TRPM3: variants seen among roughly 807,000 people sequenced by gnomAD.
The protein encoded by TRPM3 is long transient receptor potential channel 3.
TRPM3 carries 77 observed loss-of-function variants against 181.2 expected under a neutral mutation model. The observed-to-expected ratio is 0.42, with a 90% confidence interval of 0.35 to 0.51. The LOEUF (loss-of-function observed/expected upper bound fraction) is 0.51. TRPM3 is among the 20% of genes least tolerant of loss of function. The probability of loss-of-function intolerance (pLI) is 0.01; values close to 1 mark genes in which losing one functional copy is unlikely to be tolerated. For synonymous variants in TRPM3, 745 were observed against 796.4 expected, an observed-to-expected ratio of 0.94 and a Z score of 1.09; for missense variants, 1,759 against 2,196.7, an observed-to-expected ratio of 0.80 and a Z score of 3.98.
chr9:71,114,415 T>G (rs2071827592), intron 1 of TRPM3, among the ~76,000 whole-genome samples: 1 of 152,214 alleles, frequency 6.6e-6, no homozygotes. Context: ...TTTTGCCACA[T>G]GCTCAAGAGC....
At chr9:70,646,035 T>C (rs2058789934) in intron 9 of TRPM3, among the ~76,000 whole-genome samples, 2 of 152,192 alleles carry the variant, frequency 1.3e-5, no homozygotes, top group Admixed American at 1.3e-4. Context: ...AGATAACAAC[T>C]CACGCCAGTT....
intron 1 of TRPM3, among the ~76,000 whole-genome samples, chr9:70,948,644 C>G (rs1259182866): frequency 6.6e-6 from 1 of 152,162 alleles, no homozygotes; most frequent in Non-Finnish European, 1.5e-5. Flanking sequence ...TTAAACATCT[C>G]TGTCATTAGG....
intron 9 of TRPM3, among the ~76,000 whole-genome samples, chr9:70,657,676 T>G (rs376683355): frequency 3.3e-5 from 5 of 152,208 alleles, no homozygotes; most frequent in East Asian, 3.8e-4. Context: ...TCTTTCTGTA[T>G]GTGCTTTTAA....
intron 1 of TRPM3, among the ~76,000 whole-genome samples, chr9:71,162,949 G>A (rs1056657476): frequency 1.2e-4 from 19 of 152,156 alleles, no homozygotes; most frequent in African/African-American, 4.6e-4. Context: ...TACAGAACAG[G>A]AGCAATGGCT....
chr9:71,256,669 C>T (rs2082693756), intron 1 of TRPM3, among the ~76,000 whole-genome samples: 1 of 152,052 alleles, frequency 6.6e-6, no homozygotes, highest in Non-Finnish European at 1.5e-5. Flanking sequence ...GAGCCATGAC[C>T]GTATGCCTGA....
intron 1 of TRPM3, among the ~76,000 whole-genome samples, chr9:70,866,398 T>G (rs2095650109): frequency 2.6e-5 from 4 of 152,012 alleles, no homozygotes; most frequent in Admixed American, 6.6e-5. Context: ...GAGCATGAGG[T>G]CTGCATTTAG....
intron 9 of TRPM3, among the ~76,000 whole-genome samples, chr9:70,663,479 T>G (rs2133957446): frequency 6.6e-6 from 1 of 152,330 alleles, no homozygotes; most frequent in East Asian, 1.9e-4. Context: ...ACTATAGTGG[T>G]TATAATAATT....
intron 1 of TRPM3, among the ~76,000 whole-genome samples, chr9:71,047,850 A>ACACT (rs1178990894): frequency 2.2e-5 from 3 of 139,514 alleles, no homozygotes; most frequent in Non-Finnish European, 4.7e-5. Flanking sequence ...ACACACACAC[A>ACACT]CACACACACT....
At chr9:71,135,149 G>C (rs1471045668) in intron 1 of TRPM3, among the ~76,000 whole-genome samples, 2 of 152,150 alleles carry the variant, frequency 1.3e-5, no homozygotes, top group Non-Finnish European at 2.9e-5. Context: ...TCTTAGGCAG[G>C]AATGCTCATA....
chr9:71,352,617 T>A (rs142381589), intron 1 of TRPM3, among the ~76,000 whole-genome samples: 3 of 152,336 alleles, frequency 2.0e-5, no homozygotes, highest in Non-Finnish European at 2.9e-5. Flanking sequence ...ACATTATTCA[T>A]CCTATAATGC....
intron 9 of TRPM3, among the ~76,000 whole-genome samples, chr9:70,656,718 G>A (rs1271164554): frequency 2.6e-5 from 4 of 152,186 alleles, no homozygotes; most frequent in African/African-American, 7.2e-5. Flanking sequence ...ATCTAAAGTT[G>A]TATTAAATTA....
chr9:70,605,486 C>CTAAG (rs1268914494), intron 19 of TRPM3, among the ~76,000 whole-genome samples: 3 of 151,914 alleles, frequency 2.0e-5, no homozygotes, highest in African/African-American at 7.3e-5. Context: ...CAACCTATGC[C>CTAAG]TAAGTTCCTA....
intron 1 of TRPM3, among the ~76,000 whole-genome samples, chr9:71,228,425 T>C (rs929148292): frequency 1.3e-5 from 2 of 152,150 alleles, no homozygotes; most frequent in African/African-American, 4.8e-5. Context: ...GTGACAAAGA[T>C]GTCCACTTTC....
In TRPM3 at chr9:71,049,398, A is replaced by G. The variant is rs572499760; in HGVS notation, c.177+71780T>C. 6.2e-4 allele frequency among the ~76,000 whole-genome samples: 95 copies of G among 152,278 alleles called. 1 individual carries two copies. In the South Asian group the frequency reaches 9.5e-3, roughly 15 times the overall value. On this transcript the variant is annotated intron_variant, in intron 1 of 25. Transcript: ENST00000677713. ...ATATACTCCAAATCCTAGAACATAT[A>G]TACTGAAATATAGTATATAATATCA...
chr9:71,119,993 C>G (rs909464014), intron 1 of TRPM3, among the ~76,000 whole-genome samples: 3 of 152,126 alleles, frequency 2.0e-5, no homozygotes, highest in African/African-American at 4.8e-5. Flanking sequence ...AAAGTTAATA[C>G]CAGTTGGTGT....
At position 70,752,047 on chromosome 9, in the gene TRPM3, TGTGCGCGC is replaced by T. The variant is rs796311450; in HGVS notation, c.1272+9546_1272+9553del. 2.7e-3 allele frequency among the ~76,000 whole-genome samples: 266 copies of T among 97,782 alleles called. 1 individual carries two copies. In the South Asian group the frequency reaches 0.033, roughly 12 times the overall value. The allele number at this position is 97,782 out of a possible 152,430, so 64.1% of individuals were successfully genotyped here. ...GTGTGTGTGTGTGTGTGTGTGTGTG[TGTGCGCGC>T]GCGCGCGCATACACATGTACATGCA... On this transcript the variant is annotated intron_variant, in intron 8 of 25. Coordinates refer to ENST00000677713, the MANE Select transcript of TRPM3 (RefSeq NM_001366145.2).
chr9:71,056,891 CCA>C (rs1398492928), intron 1 of TRPM3, among the ~76,000 whole-genome samples: 3 of 151,946 alleles, frequency 2.0e-5, no homozygotes, highest in Admixed American at 2.0e-4. Flanking sequence ...TTGGATTCAT[CCA>C]CACTCTGGAA....
chr9:71,301,059 C>T (rs886241707), intron 1 of TRPM3, among the ~76,000 whole-genome samples: 1 of 152,124 alleles, frequency 6.6e-6, no homozygotes, highest in Non-Finnish European at 1.5e-5. Flanking sequence ...GTATAGGGTA[C>T]TTCCTATGTC....
At chr9:70,637,459 C>T (rs2057392281) in intron 11 of TRPM3, among the ~76,000 whole-genome samples, 1 of 151,986 alleles carries the variant, frequency 6.6e-6, no homozygotes, top group African/African-American at 2.4e-5. Context: ...CTACCCACCC[C>T]CACTCCCCAG....
Sources: allele counts gnomAD v4.1 joint callset (sites outside exome capture counted in the v4.1 genomes callset), GRCh38; gene constraint gnomAD v4.1.1; transcripts MANE v1.5; gene names NCBI Gene and HGNC (gene_info 2026-07-23, HGNC 2026-07-21).